DLGAP2: variants seen among roughly 807,000 people sequenced by gnomAD.
DLGAP2 encodes the protein disks large-associated protein 2.
In DLGAP2, 26 loss-of-function variants were observed where a neutral mutation model predicts 100.3. The ratio of observed to expected loss-of-function variants is 0.26; its 90% CI spans 0.19 to 0.36. The LOEUF is 0.36. DLGAP2 is among the 10% of genes least tolerant of loss of function. The probability of loss-of-function intolerance (pLI) is 1.00; values close to 1 mark genes in which losing one functional copy is unlikely to be tolerated. For missense variants in DLGAP2, 1,858 were observed against 1,453.2 expected (o/e 1.28, Z -4.53); for synonymous variants, 886 against 630.1 (o/e 1.41, Z -6.08).
intron 2 of DLGAP2, among the ~76,000 whole-genome samples, chr8:1,207,952 G>T (rs1009838723): frequency 2.6e-5 from 4 of 152,224 alleles, no homozygotes; most frequent in Non-Finnish European, 2.9e-5. Context: ...GTTCCTTGAA[G>T]ATTCTGGATA....
intron 3 of DLGAP2, among the ~76,000 whole-genome samples, chr8:1,349,057 T>C (rs1034756805): frequency 3.3e-5 from 5 of 151,816 alleles, no homozygotes; most frequent in Non-Finnish European, 4.4e-5. Flanking sequence ...ATGCGGCCAC[T>C]TGCTCCTGCC....
Position 1,548,729 on chromosome 8 carries a change from G to A in DLGAP2, c.276G>A (p.Pro92=), listed in dbSNP as rs755944387. The A allele has an allele frequency of 2.5e-6, 4 of 1,606,364 alleles. No homozygotes were observed. The highest frequency in any genetic ancestry group is 2.2e-5 in the South Asian group (2 of 89,922). Reference sequence around the variant, plus strand: ...TTTCCGGAAGTCGGACCCAGCCGCCGCTGTGTTCCGGGCACACGTGTGGTC... The same window carrying A: ...TTTCCGGAAGTCGGACCCAGCCGCCACTGTGTTCCGGGCACACGTGTGGTC... The part of the protein sequence containing the change: ...KGLSGSRTQP[P]LCSGHTCGLA... The change falls in exon 5 of 15, where the codon CCG becomes CCA. Residue 92 remains proline (P), a synonymous_variant. Transcript: ENST00000637795.
At chr8:1,532,677 C>G (rs566887765) in intron 4 of DLGAP2, among the ~76,000 whole-genome samples, 101 of 152,212 alleles carry the variant, frequency 6.6e-4, no homozygotes, top group Non-Finnish European at 1.1e-3. Flanking sequence ...AAGAAATGTG[C>G]AAAAACTTTT....
At chr8:1,426,138 A>G (rs1446288087) in intron 3 of DLGAP2, among the ~76,000 whole-genome samples, 8 of 152,288 alleles carry the variant, frequency 5.3e-5, no homozygotes, top group Middle Eastern at 3.4e-3. Flanking sequence ...GCTGCTGGAG[A>G]AACTCACCTC....
At chr8:1,364,373 G>A (rs1563106986) in intron 3 of DLGAP2, among the ~76,000 whole-genome samples, 2 of 152,154 alleles carry the variant, frequency 1.3e-5, no homozygotes, top group Non-Finnish European at 2.9e-5. Flanking sequence ...GCTGCCACGT[G>A]CGGAATGAGG....
At chr8:773,229 C>G (rs188599932) in intron 1 of DLGAP2, among the ~76,000 whole-genome samples, 1 of 152,182 alleles carries the variant, frequency 6.6e-6, no homozygotes, top group Non-Finnish European at 1.5e-5. Flanking sequence ...GCTGATTTCT[C>G]ACAGTGTTTT....
chr8:1,577,443 C>T (rs1396744266), intron 6 of DLGAP2, among the ~76,000 whole-genome samples: 1 of 151,784 alleles, frequency 6.6e-6, no homozygotes, highest in Non-Finnish European at 1.5e-5. Context: ...TGGCACATGC[C>T]TGTAATCCCA....
At chr8:1,287,966 G>C (rs1427585692) in intron 3 of DLGAP2, among the ~76,000 whole-genome samples, 2 of 125,336 alleles carry the variant, frequency 1.6e-5, no homozygotes, top group Non-Finnish European at 3.3e-5. Context: ...GTGGTTGTTA[G>C]GGGAACTAGT....
At chr8:1,269,660 C>T (rs966283282) in intron 3 of DLGAP2, among the ~76,000 whole-genome samples, 1 of 152,112 alleles carries the variant, frequency 6.6e-6, no homozygotes, top group Admixed American at 6.5e-5. Context: ...GTAAAATGAC[C>T]TTGGAAGGAA....
chr8:1,606,467 A>G (rs1317157848), intron 6 of DLGAP2, among the ~76,000 whole-genome samples: 1 of 152,144 alleles, frequency 6.6e-6, no homozygotes, highest in Non-Finnish European at 1.5e-5. Flanking sequence ...TGTCGTGGCC[A>G]TGGAACCCCA....
At chr8:1,267,634 TA>T (rs1563052140) in intron 3 of DLGAP2, among the ~76,000 whole-genome samples, 6 of 19,216 alleles carry the variant, frequency 3.1e-4, no homozygotes, top group African/African-American at 1.5e-3. Context: ...AAATATTAAA[TA>T]GGTCTACAAA....
intron 1 of DLGAP2, among the ~76,000 whole-genome samples, chr8:757,428 C>A (rs1349086768): frequency 6.6e-6 from 1 of 152,184 alleles, no homozygotes; most frequent in Non-Finnish European, 1.5e-5. Flanking sequence ...AGACTCGATT[C>A]ATTTAGCACC....
intron 3 of DLGAP2, among the ~76,000 whole-genome samples, chr8:1,425,995 C>T (rs986288401): frequency 3.9e-5 from 6 of 152,232 alleles, no homozygotes; most frequent in African/African-American, 9.6e-5. Flanking sequence ...GAACATGCTA[C>T]ACCTGCAAGG....
chr8:1,174,840 C>G (rs1797219894), intron 2 of DLGAP2, among the ~76,000 whole-genome samples: 1 of 152,114 alleles, frequency 6.6e-6, no homozygotes, highest in Non-Finnish European at 1.5e-5. Flanking sequence ...CAGCTGAGTT[C>G]TGTTTATCTA....
intron 2 of DLGAP2, among the ~76,000 whole-genome samples, chr8:1,085,256 A>T (rs1803937096): frequency 1.3e-5 from 2 of 152,022 alleles, no homozygotes; most frequent in African/African-American, 4.8e-5. Flanking sequence ...CATATTTTGG[A>T]TATTAATCCC....
chr8:1,067,477 C>T (rs138718955), intron 2 of DLGAP2, among the ~76,000 whole-genome samples: 66 of 152,222 alleles, frequency 4.3e-4, no homozygotes, highest in Non-Finnish European at 7.8e-4. Flanking sequence ...TGAGGAAGCC[C>T]GTGTGGGAAG....
chr8:1,139,167 G>A (rs981609403), intron 2 of DLGAP2, among the ~76,000 whole-genome samples: 6 of 152,214 alleles, frequency 3.9e-5, no homozygotes, highest in Non-Finnish European at 8.8e-5. Flanking sequence ...GGCATGGGTG[G>A]CCTGCTGGGC....
intron 6 of DLGAP2, among the ~76,000 whole-genome samples, chr8:1,588,484 G>C (rs1258644456): frequency 6.6e-6 from 1 of 152,134 alleles, no homozygotes; most frequent in East Asian, 1.9e-4. Flanking sequence ...GTCTTCTTTG[G>C]CGTATGATGC....
At chr8:858,013 G>A (rs1797314756) in intron 1 of DLGAP2, among the ~76,000 whole-genome samples, 1 of 152,080 alleles carries the variant, frequency 6.6e-6, no homozygotes, top group Non-Finnish European at 1.5e-5. Flanking sequence ...GGGGTTACAG[G>A]CATACGCCAC....
Sources: allele counts gnomAD v4.1 joint callset (sites outside exome capture counted in the v4.1 genomes callset), GRCh38; gene constraint gnomAD v4.1.1; transcripts MANE v1.5; gene names NCBI Gene and HGNC (gene_info 2026-07-23, HGNC 2026-07-21).